Variants in TMEM232 observed in about 807,000 individuals in gnomAD.
TMEM232 encodes the protein transmembrane protein 232.
A neutral mutation model predicts 78.8 loss-of-function variants in TMEM232; 80 were observed. The ratio of observed to expected loss-of-function variants is 1.01; its 90% CI spans 0.85 to 1.22. TMEM232 has a LOEUF of 1.22. TMEM232 is among the 50% of genes most tolerant of loss of function. The pLI is 0.00. For missense variants in TMEM232, 881 were observed against 742.2 expected (o/e 1.19, Z -2.17); for synonymous variants, 297 against 254.3 (o/e 1.17, Z -1.60).
At chr5:110,709,352 T>A (rs1796244759) in intron 1 of TMEM232, among the ~76,000 whole-genome samples, 2 of 151,974 alleles carry the variant, frequency 1.3e-5, no homozygotes, top group African/African-American at 4.8e-5. Flanking sequence ...CAAAGAAACA[T>A]CAAATTTAAT....
At chr5:110,399,841 T>C (rs1755528848) in intron 2 of TMEM232, among the ~76,000 whole-genome samples, 1 of 152,156 alleles carries the variant, frequency 6.6e-6, no homozygotes, top group Non-Finnish European at 1.5e-5. Flanking sequence ...TCTTCTTTTC[T>C]AGATATTCTA....
At chr5:110,627,049 T>C (rs1352842425) in intron 6 of TMEM232, among the ~76,000 whole-genome samples, 2 of 152,082 alleles carry the variant, frequency 1.3e-5, no homozygotes, top group South Asian at 4.1e-4. Flanking sequence ...GTTCCAAACC[T>C]GTTTTCAACT....
chr5:110,582,404 A>G (rs1350107489), intron 10 of TMEM232, among the ~76,000 whole-genome samples: 2 of 152,040 alleles, frequency 1.3e-5, no homozygotes, highest in Non-Finnish European at 2.9e-5. Context: ...AAATTAATAT[A>G]GGAACAGAAA....
At chr5:110,679,544 AT>A (rs541294638) in intron 1 of TMEM232, among the ~76,000 whole-genome samples, 13 of 151,970 alleles carry the variant, frequency 8.6e-5, no homozygotes, top group African/African-American at 2.9e-4. Flanking sequence ...GACCTTATCA[AT>A]TTTTTTTCAT....
chr5:110,737,386 A>G lies in TMEM232; in HGVS notation c.-126+607T>C, dbSNP rs149905148. Among the ~76,000 whole-genome samples the G allele has an allele frequency of 2.2e-3, 332 of 152,026 alleles. 1 individual carries two copies. Among genetic ancestry groups the G allele is most frequent in the African/African-American group, 7.8e-3 (324 of 41,468 alleles). On this transcript the variant is annotated intron_variant, in intron 1 of 4. Coordinates refer to the TMEM232 transcript ENST00000512886. ...TATCCATGCCAGAAACATGTAAAAAACCCCTATATTTGTTTTCTAAGATTT... is the reference window on the plus strand; with the variant it reads ...TATCCATGCCAGAAACATGTAAAAAGCCCCTATATTTGTTTTCTAAGATTT...
chr5:110,561,687 G>A (rs1192116359), intron 11 of TMEM232, among the ~76,000 whole-genome samples: 1 of 152,056 alleles, frequency 6.6e-6, no homozygotes, highest in African/African-American at 2.4e-5. Flanking sequence ...CCCCAGGTCA[G>A]CAATTTGAGC....
intron 11 of TMEM232, among the ~76,000 whole-genome samples, chr5:110,559,009 C>T (rs1345641518): frequency 6.6e-6 from 1 of 152,162 alleles, no homozygotes; most frequent in Non-Finnish European, 1.5e-5. Flanking sequence ...CTTAGATTTT[C>T]CAGGGATCTG....
chr5:110,718,227 T>C (rs954351457), intron 1 of TMEM232, among the ~76,000 whole-genome samples: 29 of 152,142 alleles, frequency 1.9e-4, no homozygotes, highest in African/African-American at 7.0e-4. Context: ...TTCTGTGTTA[T>C]CATTTTAAAA....
At chr5:110,477,977 A>T (rs2149389071) in intron 12 of TMEM232, among the ~76,000 whole-genome samples, 1 of 152,034 alleles carries the variant, frequency 6.6e-6, no homozygotes, top group Non-Finnish European at 1.5e-5. Context: ...ATTTATGTTC[A>T]GTTTAGAATG....
intron 3 of TMEM232, among the ~76,000 whole-genome samples, chr5:110,394,162 T>G (rs564371232): frequency 1.3e-5 from 2 of 152,272 alleles, no homozygotes; most frequent in African/African-American, 4.8e-5. Flanking sequence ...TTCAATTGTT[T>G]TAACTTCTAG....
intron 12 of TMEM232, among the ~76,000 whole-genome samples, chr5:110,432,969 C>T (rs1466948894): frequency 2.0e-5 from 3 of 151,726 alleles, no homozygotes; most frequent in African/African-American, 7.3e-5. Context: ...AATATTGGAG[C>T]ACCCGGCTTT....
chr5:110,455,074 T>C (rs532323931), intron 12 of TMEM232, among the ~76,000 whole-genome samples: 72 of 152,078 alleles, frequency 4.7e-4, no homozygotes, highest in Non-Finnish European at 7.8e-4. Context: ...TTGAAAGGTA[T>C]AAACTATAAA....
intron 6 of TMEM232, among the ~76,000 whole-genome samples, chr5:110,626,524 T>C (rs1034594667): frequency 1.3e-5 from 2 of 152,010 alleles, no homozygotes; most frequent in Non-Finnish European, 2.9e-5. Context: ...ATTCCCTTTC[T>C]TTATCTTGAG....
chr5:110,699,169 T>C (rs1357323927), intron 1 of TMEM232, among the ~76,000 whole-genome samples: 1 of 152,088 alleles, frequency 6.6e-6, no homozygotes, highest in Non-Finnish European at 1.5e-5. Context: ...TTTGGAGTAC[T>C]GCACTGCCTC....
chr5:110,413,294 T>C (rs544506173), intron 2 of TMEM232, among the ~76,000 whole-genome samples: 18 of 152,268 alleles, frequency 1.2e-4, no homozygotes, highest in African/African-American at 3.8e-4. Context: ...TCTTTAGCTT[T>C]TGGACTCCTG....
intron 10 of TMEM232, among the ~76,000 whole-genome samples, chr5:110,574,607 A>G (rs1777356904): frequency 2.0e-5 from 3 of 152,246 alleles, no homozygotes; most frequent in Admixed American, 6.5e-5. Context: ...GCCATGCTGC[A>G]GGCAGTTAAC....
At chr5:110,496,924 CT>C (rs1264795638) in intron 12 of TMEM232, among the ~76,000 whole-genome samples, 1 of 152,048 alleles carries the variant, frequency 6.6e-6, no homozygotes, top group East Asian at 1.9e-4. Flanking sequence ...TGAAAAAGTA[CT>C]TTTTCTTAAA....
chr5:110,654,989 C>G (rs1228527332), intron 2 of TMEM232, among the ~76,000 whole-genome samples: 5 of 152,132 alleles, frequency 3.3e-5, no homozygotes, highest in African/African-American at 1.2e-4. Context: ...AGGACATAGG[C>G]ATGGGCAAGG....
Position 110,682,875 on chromosome 5 carries a change from C to T in TMEM232, c.-12-15511G>A, listed in dbSNP as rs147655643. Reference sequence around the variant, plus strand: ...GTGTCTTCTTTCTCATTCATCATTACACTCCTAGGACATTTGGCTTTTCTC... The same window carrying T: ...GTGTCTTCTTTCTCATTCATCATTATACTCCTAGGACATTTGGCTTTTCTC... On this transcript the variant is annotated intron_variant, in intron 1 of 13. Coordinates refer to ENST00000455884, the MANE Select transcript of TMEM232 (RefSeq NM_001039763.4). Among the ~76,000 whole-genome samples, 970 of 152,220 alleles carry T rather than the reference C, an allele frequency of 6.4e-3. 18 individuals carry two copies. The highest frequency in any genetic ancestry group is 0.022 in the African/African-American group (897 of 41,542).
Sources: gnomAD v4.1 joint callset for allele counts (sites outside exome capture counted in the v4.1 genomes callset) on GRCh38, gnomAD v4.1.1 for gene constraint, MANE v1.5 for transcripts, NCBI Gene and HGNC (gene_info 2026-07-23, HGNC 2026-07-21) for gene names.